Variants in FBXO8 observed in about 807,000 individuals in gnomAD.
FBXO8 encodes the protein F-box protein 8, also known as F-box only protein 8.
Under a neutral mutation model 33.4 loss-of-function variants are expected in FBXO8, and 15 were observed. The ratio of observed to expected loss-of-function variants is 0.45; its 90% CI spans 0.30 to 0.69. The LOEUF is 0.69. Among genes scored for constraint, FBXO8 ranks in the 30% least tolerant of loss-of-function variants. FBXO8 has a pLI of 0.08. For missense variants in FBXO8, 274 were observed against 380.3 expected, an observed-to-expected ratio of 0.72 and a Z score of 2.32; for synonymous variants, 132 against 131.5, an observed-to-expected ratio of 1.00 and a Z score of -0.02.
At chr4:174,266,952 C>G (rs572559950) in intron 1 of FBXO8, among the ~76,000 whole-genome samples, 1 of 152,268 alleles carries the variant, frequency 6.6e-6, no homozygotes, top group Admixed American at 6.5e-5. Flanking sequence ...GATACTTAAA[C>G]TGTTCTGATG....
In FBXO8 at chr4:174,240,951, T is replaced by C. The variant is rs1579017056; in HGVS notation, c.575+149A>G. The C allele has an allele frequency of 1.5e-5, 7 of 464,030 alleles. No homozygotes were observed. The East Asian group carries it at 2.4e-4, about 16-fold the overall frequency. The allele number at this position is 464,030 out of a possible 1,614,324, so 28.7% of individuals were successfully genotyped here. A position where few individuals can be genotyped will look rare whatever the true frequency, so the allele number is the denominator to read the frequency against. On this transcript the variant is annotated intron_variant, in intron 4 of 5. Transcript: ENST00000393674. ...AACAAGTCAAAGCTCACGAAAGAAA[T>C]GATGTGTGAGATATAGGAATCTTTT...
chr4:174,254,007 T>C lies in FBXO8; in HGVS notation c.456+5692A>G, dbSNP rs1215035123. ...TGGGATACCTGCATCCAGGACTCTT[T>C]TGAAGTAAACAAATGTAAAGGGTTT... is the stretch of plus-strand genomic sequence containing the variant. On this transcript the variant is annotated intron_variant, in intron 3 of 5. Coordinates refer to ENST00000393674, the MANE Select transcript of FBXO8 (RefSeq NM_012180.3). This position sits in a 1 kb window ranked among gnomAD's most constrained non-coding sequence, Gnocchi z 4.2. Among the ~76,000 whole-genome samples, 1 of 152,174 alleles carries C rather than the reference T, an allele frequency of 6.6e-6. No homozygotes were observed. The highest frequency in any genetic ancestry group is 1.5e-5 in the Non-Finnish European group (1 of 68,026).
rs1049171577 is a variant in FBXO8 at position 174,265,687 on chromosome 4, G to A, written c.-8-2587C>T. On this transcript the variant is annotated intron_variant, in intron 1 of 5. Coordinates refer to ENST00000393674, the MANE Select transcript of FBXO8 (RefSeq NM_012180.3). The surrounding 1 kb of genome is among the most constrained non-coding windows in gnomAD (Gnocchi z 4.7). Reference sequence around the variant, plus strand: ...TATGGAGACAGTAGAAATGATCAACGTACAAAAAATAGAGAATGTCAACAA... The same window carrying A: ...TATGGAGACAGTAGAAATGATCAACATACAAAAAATAGAGAATGTCAACAA... 1.4e-4 allele frequency among the ~76,000 whole-genome samples: 22 copies of A among 151,918 alleles called. No homozygotes were observed. Among genetic ancestry groups the A allele is most frequent in the African/African-American group, 3.9e-4 (16 of 41,366 alleles).
rs1452428355 is a variant in FBXO8, at chr4:174,281,658, C to T, written c.-9+1752G>A. Among the ~76,000 whole-genome samples, 2 of 152,140 alleles carry T rather than the reference C, an allele frequency of 1.3e-5. No homozygotes were observed. The highest frequency in any genetic ancestry group is 4.8e-5 in the African/African-American group (2 of 41,422). On this transcript the variant is annotated intron_variant, in intron 1 of 5. Coordinates refer to ENST00000393674, the MANE Select transcript of FBXO8 (RefSeq NM_012180.3). This position sits in a 1 kb window ranked among gnomAD's most constrained non-coding sequence, Gnocchi z 4.6. ...AGTGAGTCTTGTTCGCACCACTGCA[C>T]TCCAGCCTGGGCAACAGAATAAAAA...
intron 1 of FBXO8, among the ~76,000 whole-genome samples, chr4:174,279,929 T>G (rs962514045): frequency 6.6e-6 from 1 of 151,960 alleles, no homozygotes; most frequent in African/African-American, 2.4e-5. Context: ...GCAAAAGGCT[T>G]ACAGCACTGA....
rs145049288 is a variant in FBXO8 at position 174,255,127 on chromosome 4, TC to T, written c.456+4571del. Among the ~76,000 whole-genome samples, 497 of 152,270 alleles carry T rather than the reference TC, an allele frequency of 3.3e-3. 3 individuals are homozygous for T. Among genetic ancestry groups the T allele is most frequent in the African/African-American group, 0.011 (470 of 41,576 alleles). ...TCATGTTCAAATTAGACTTAAGAAT[TC>T]CTTTTTAACTGTGTATTCCCAAGGA... is the stretch of plus-strand genomic sequence containing the variant. On this transcript the variant is annotated intron_variant, in intron 3 of 5. Coordinates refer to ENST00000393674, the MANE Select transcript of FBXO8 (RefSeq NM_012180.3). The surrounding 1 kb of genome is among the most constrained non-coding windows in gnomAD (Gnocchi z 4.3).
intron 1 of FBXO8, among the ~76,000 whole-genome samples, chr4:174,264,306 A>G (rs1165286180): frequency 1.3e-5 from 2 of 152,154 alleles, no homozygotes; most frequent in Admixed American, 1.3e-4. Flanking sequence ...TTAATCAGAA[A>G]TAATTTGAAA....
chr4:174,255,702 C>T lies in FBXO8; in HGVS notation c.456+3997G>A, dbSNP rs1419997472. Among the ~76,000 whole-genome samples the T allele has an allele frequency of 6.6e-6, 1 of 151,974 alleles. No homozygotes were observed. The highest frequency in any genetic ancestry group is 1.5e-5 in the Non-Finnish European group (1 of 67,986). On this transcript the variant is annotated intron_variant, in intron 3 of 5. Coordinates refer to ENST00000393674, the MANE Select transcript of FBXO8 (RefSeq NM_012180.3). This position sits in a 1 kb window ranked among gnomAD's most constrained non-coding sequence, Gnocchi z 4.3. ...CTATATTAAAGTTAAACCATGTTCA[C>T]TACCAATTTTTCAGATCCTAAATTT...
At chr4:174,250,403 G>A (rs528811080) in intron 3 of FBXO8, among the ~76,000 whole-genome samples, 30 of 151,950 alleles carry the variant, frequency 2.0e-4, no homozygotes, top group South Asian at 8.3e-4. Context: ...AAATATTAGC[G>A]GCAGATAAAA....
rs1736332701 is a variant in FBXO8 at position 174,253,087 on chromosome 4, G to A, written c.456+6612C>T. Among the ~76,000 whole-genome samples the A allele has an allele frequency of 6.6e-6, 1 of 152,162 alleles. No individual in the cohort carries two copies. The highest frequency in any genetic ancestry group is 1.5e-5 in the Non-Finnish European group (1 of 68,042). On this transcript the variant is annotated intron_variant, in intron 3 of 5. Transcript: ENST00000393674. The surrounding 1 kb of genome is among the most constrained non-coding windows in gnomAD (Gnocchi z 4.5). ...CATCCTTCAAGGTGAATGGAGCTTG[G>A]AATAAAGAATCCATATTCAACTCTG...
intron 1 of FBXO8, among the ~76,000 whole-genome samples, chr4:174,264,547 G>GA: frequency 6.6e-6 from 1 of 152,100 alleles, no homozygotes; most frequent in Non-Finnish European, 1.5e-5. Flanking sequence ...GATTAAAACA[G>GA]AAAAAATAGT....
At chr4:174,243,876 T>C (rs1736101528) in intron 3 of FBXO8, among the ~76,000 whole-genome samples, 1 of 151,358 alleles carries the variant, frequency 6.6e-6, no homozygotes, top group African/African-American at 2.4e-5. Context: ...AAATTGACTA[T>C]AAAAGTTTCC....
At chr4:174,250,523 A>C (rs751239339) in intron 3 of FBXO8, among the ~76,000 whole-genome samples, 2 of 152,148 alleles carry the variant, frequency 1.3e-5, no homozygotes, top group African/African-American at 4.8e-5. Flanking sequence ...AACTGCTAAC[A>C]ACCAAAAGAG....
Position 174,268,279 on chromosome 4 carries a change from T to G in FBXO8, c.-8-5179A>C, listed in dbSNP as rs146457427. 7.9e-5 allele frequency among the ~76,000 whole-genome samples: 12 copies of G among 152,318 alleles called. No homozygotes were observed. The East Asian group carries it at 2.1e-3, about 27-fold the overall frequency. On this transcript the variant is annotated intron_variant, in intron 1 of 5. Coordinates refer to ENST00000393674, the MANE Select transcript of FBXO8 (RefSeq NM_012180.3). Reference sequence around the variant, plus strand: ...CTGCTGAAAGACATTTAATACATATTGCTAATTCATTAACTGTGAACTCAT... The same window carrying G: ...CTGCTGAAAGACATTTAATACATATGGCTAATTCATTAACTGTGAACTCAT...
At chr4:174,239,256 T>C in intron 4 of FBXO8, 66 bp from the exon 5 acceptor site, 1 of 1,190,600 alleles carries the variant, frequency 8.4e-7, no homozygotes. Context: ...GTAAGAAAAA[T>C]AACAAATTTC....
intron 4 of FBXO8, among the ~76,000 whole-genome samples, chr4:174,239,458 A>T (rs1735976453): frequency 6.6e-6 from 1 of 151,874 alleles, no homozygotes. Context: ...TGAAGAAAAA[A>T]GGAATTCTGC....
In FBXO8 at chr4:174,259,783, C is replaced by T; in HGVS notation, c.372G>A (p.Lys124=). The T allele has an allele frequency of 6.2e-7, 1 of 1,611,574 alleles. No homozygotes were observed. The highest frequency in any genetic ancestry group is 8.5e-7 in the Non-Finnish European group (1 of 1,178,718). Residue 124 remains lysine, a synonymous_variant, in exon 3 of 6, where the codon AAG becomes AAA. Transcript: ENST00000393674. The surrounding 1 kb of genome is among the most constrained non-coding windows in gnomAD (Gnocchi z 4.3). ...TAAAAGAAAATCCTAAAGGTGGGTT[C>T]TTATTGTATATGGAACAGTGACCCC... ...STWGHCSIYN[K]NPPLGFSFRK... is the part of the protein sequence containing the mutation.
rs1390948443 is a variant in FBXO8, at chr4:174,254,774, C to A, written c.456+4925G>T. ...TTGTTTTGTAGTAAGTACTATCAGA[C>A]CAAAGGAAAGAAAACAATTACAGAC... On this transcript the variant is annotated intron_variant, in intron 3 of 5. Coordinates refer to ENST00000393674, the MANE Select transcript of FBXO8 (RefSeq NM_012180.3). The surrounding 1 kb of genome is among the most constrained non-coding windows in gnomAD (Gnocchi z 4.2). Among the ~76,000 whole-genome samples, 1 of 151,836 alleles carries A rather than the reference C, an allele frequency of 6.6e-6. No homozygotes were observed. Among genetic ancestry groups the A allele is most frequent in the Non-Finnish European group, 1.5e-5 (1 of 67,928 alleles).
chr4:174,280,969 T>C (rs942152854), intron 1 of FBXO8, among the ~76,000 whole-genome samples: 1 of 152,206 alleles, frequency 6.6e-6, no homozygotes, highest in African/African-American at 2.4e-5. Context: ...GGCACAACAT[T>C]ATCAATGTAA....
Sources: gnomAD v4.1 joint callset for allele counts (sites outside exome capture counted in the v4.1 genomes callset) on GRCh38, gnomAD v4.1.1 for gene constraint, Gnocchi (gnomAD v3.1) non-coding constraint, MANE v1.5 for transcripts, NCBI Gene and HGNC (gene_info 2026-07-23, HGNC 2026-07-21) for gene names.